The following FAM135B variants were observed in gnomAD, a reference collection of about 807,000 sequenced individuals.
FAM135B encodes protein FAM135B.
A neutral mutation model predicts 127.7 loss-of-function variants in FAM135B; 43 were observed. The observed-to-expected ratio is 0.34, with a 90% confidence interval of 0.26 to 0.43. The LOEUF (loss-of-function observed/expected upper bound fraction) is 0.43. Among genes scored for constraint, FAM135B ranks in the 20% least tolerant of loss-of-function variants. The probability of loss-of-function intolerance (pLI) is 1.00; values close to 1 mark genes in which losing one functional copy is unlikely to be tolerated. For missense variants in FAM135B, 1,558 were observed against 1,725.6 expected (o/e 0.90, Z 1.72); for synonymous variants, 670 against 665.1 (o/e 1.01, Z -0.11).
intron 9 of FAM135B, among the ~76,000 whole-genome samples, chr8:138,184,102 C>A (rs1815333241): frequency 6.6e-6 from 1 of 152,124 alleles, no homozygotes; most frequent in East Asian, 1.9e-4. Context: ...GAGAAGTCAG[C>A]CTTTGGTTTG....
At chr8:138,394,535 G>C (rs887803151) in intron 1 of FAM135B, among the ~76,000 whole-genome samples, 1 of 152,180 alleles carries the variant, frequency 6.6e-6, no homozygotes, top group African/African-American at 2.4e-5. Flanking sequence ...ATACTCTACT[G>C]CCTGCTCTTG....
intron 12 of FAM135B, among the ~76,000 whole-genome samples, chr8:138,162,476 G>C (rs1156719938): frequency 6.6e-6 from 1 of 152,172 alleles, no homozygotes; most frequent in Non-Finnish European, 1.5e-5. Flanking sequence ...CGTCAGTAGA[G>C]GTTCATCTGC....
At chr8:138,358,736 C>T (rs1830237706) in intron 2 of FAM135B, among the ~76,000 whole-genome samples, 1 of 152,134 alleles carries the variant, frequency 6.6e-6, no homozygotes, top group Non-Finnish European at 1.5e-5. Context: ...TAAGAGACCT[C>T]AGTGAGAACC....
At chr8:138,480,790 C>T (rs1400581571) in intron 1 of FAM135B, among the ~76,000 whole-genome samples, 1 of 152,176 alleles carries the variant, frequency 6.6e-6, no homozygotes, top group Admixed American at 6.5e-5. Flanking sequence ...ACAAGTTAGC[C>T]TTCTGAAACA....
In FAM135B at chr8:138,250,963, C is replaced by A. The variant is rs2130487798; in HGVS notation, c.420G>T (p.Leu140=). Residue 140 remains leucine (L), a synonymous_variant, in exon 6 of 20, where the codon CTG becomes CTT. Coordinates refer to ENST00000395297, the MANE Select transcript of FAM135B (RefSeq NM_015912.4). The part of the protein sequence containing the change: ...APMVSSRTLG[L]HFHPRNGLHH... Reference sequence around the variant, plus strand: ...GCAGACCATTCCGGGGGTGGAAGTGCAGGCCAAGCGTTCGGCTGCTGACCA... The same window carrying A: ...GCAGACCATTCCGGGGGTGGAAGTGAAGGCCAAGCGTTCGGCTGCTGACCA... 6.2e-7 allele frequency: 1 copy of A among 1,613,962 alleles called. No homozygotes were observed. The highest frequency in any genetic ancestry group is 8.5e-7 in the Non-Finnish European group (1 of 1,179,996).
At chr8:138,268,080 A>G (rs1823085249) in intron 3 of FAM135B, among the ~76,000 whole-genome samples, 2 of 152,142 alleles carry the variant, frequency 1.3e-5, no homozygotes, top group Non-Finnish European at 2.9e-5. Flanking sequence ...AAACAGTTCA[A>G]TCACTTGCTG....
intron 1 of FAM135B, among the ~76,000 whole-genome samples, chr8:138,445,931 A>C (rs1836127961): frequency 6.6e-6 from 1 of 152,212 alleles, no homozygotes; most frequent in South Asian, 2.1e-4. Context: ...AAATCTCCTT[A>C]AGCTGATAAG....
intron 2 of FAM135B, among the ~76,000 whole-genome samples, chr8:138,352,620 G>A (rs557850210): frequency 8.5e-5 from 13 of 152,232 alleles, no homozygotes; most frequent in African/African-American, 3.1e-4. Context: ...TTAGGGTGGA[G>A]GGAGACAGAA....
intron 9 of FAM135B, among the ~76,000 whole-genome samples, chr8:138,181,397 C>T (rs1042040655): frequency 1.1e-4 from 16 of 152,040 alleles, no homozygotes; most frequent in Admixed American, 6.6e-4. Context: ...ACTAATAAGA[C>T]CCAACCTTAT....
At chr8:138,382,974 T>C (rs370536269) in intron 1 of FAM135B, among the ~76,000 whole-genome samples, 48 of 152,216 alleles carry the variant, frequency 3.2e-4, no homozygotes, top group African/African-American at 9.1e-4. Flanking sequence ...ACAGGAGTGA[T>C]TGTAGGCATA....
At chr8:138,339,003 C>G (rs1474344542) in intron 2 of FAM135B, among the ~76,000 whole-genome samples, 1 of 151,206 alleles carries the variant, frequency 6.6e-6, no homozygotes, top group Non-Finnish European at 1.5e-5. Flanking sequence ...AGCAAACTAT[C>G]GCAAGGACAA....
intron 7 of FAM135B, among the ~76,000 whole-genome samples, chr8:138,233,208 T>C (rs779671068): frequency 6.6e-6 from 1 of 152,174 alleles, no homozygotes; most frequent in Admixed American, 6.6e-5. Flanking sequence ...TAAAACAGTA[T>C]GGTAACAGCA....
At chr8:138,159,614 G>A (rs1371778020) in intron 12 of FAM135B, among the ~76,000 whole-genome samples, 1 of 134,718 alleles carries the variant, frequency 7.4e-6, no homozygotes, top group Non-Finnish European at 1.6e-5. Flanking sequence ...TGGGGTGGGG[G>A]GAGGGGGGAG....
intron 1 of FAM135B, among the ~76,000 whole-genome samples, chr8:138,415,263 T>C (rs1398335065): frequency 6.6e-6 from 1 of 152,166 alleles, no homozygotes; most frequent in Non-Finnish European, 1.5e-5. Flanking sequence ...AACAGCTCCA[T>C]TTTTGCAAAT....
At chr8:138,481,111 C>T (rs1814762354) in intron 1 of FAM135B, among the ~76,000 whole-genome samples, 1 of 152,196 alleles carries the variant, frequency 6.6e-6, no homozygotes, top group Non-Finnish European at 1.5e-5. Flanking sequence ...ACCATGCCTG[C>T]CTTGCTCTCA....
intron 9 of FAM135B, among the ~76,000 whole-genome samples, chr8:138,193,830 G>A (rs1205925434): frequency 6.6e-6 from 1 of 152,208 alleles, no homozygotes; most frequent in African/African-American, 2.4e-5. Flanking sequence ...AGGCCCCAGA[G>A]GGTGAGCCCA....
chr8:138,232,643 GA>G (rs1380740498), intron 7 of FAM135B, among the ~76,000 whole-genome samples: 1 of 152,076 alleles, frequency 6.6e-6, no homozygotes, highest in Admixed American at 6.6e-5. Context: ...TTTAATGGGG[GA>G]AAGTGCAAAA....
intron 3 of FAM135B, among the ~76,000 whole-genome samples, chr8:138,266,627 G>A (rs28491349): frequency 6.8e-6 from 1 of 147,702 alleles, no homozygotes; most frequent in Non-Finnish European, 1.5e-5. Context: ...GTATATATGT[G>A]TATATATATA....
rs1010672844 is a variant in FAM135B at position 138,475,262 on chromosome 8, C to T, written c.-20+21409G>A. ...CCCTTGCAAGTTGGTTTTCACACCACCCACAATTCTGTCTCCTGCCCTTTC... is the reference window on the plus strand; with the variant it reads ...CCCTTGCAAGTTGGTTTTCACACCATCCACAATTCTGTCTCCTGCCCTTTC... On this transcript the variant is annotated intron_variant, in intron 1 of 19. Transcript: ENST00000395297. Among the ~76,000 whole-genome samples the T allele has an allele frequency of 5.3e-5, 8 of 152,138 alleles. No individual in the cohort carries two copies. The South Asian group carries it at 8.3e-4, about 16-fold the overall frequency.
Sources: gnomAD v4.1 joint callset for allele counts (sites outside exome capture counted in the v4.1 genomes callset) on GRCh38, gnomAD v4.1.1 for gene constraint, MANE v1.5 for transcripts, NCBI Gene and HGNC (gene_info 2026-07-23, HGNC 2026-07-21) for gene names.